Variants in CNTLN observed in about 807,000 individuals in gnomAD.
CNTLN encodes the protein centlein.
In CNTLN, 212 loss-of-function variants were observed where a neutral mutation model predicts 180.0. The ratio of observed to expected loss-of-function variants is 1.18; its 90% CI spans 1.05 to 1.32. The LOEUF (loss-of-function observed/expected upper bound fraction) is 1.32. CNTLN is among the 40% of genes most tolerant of loss of function. The pLI is 0.00. For missense variants in CNTLN, 2,095 were observed against 1,610.9 expected (o/e 1.30, Z -5.14); for synonymous variants, 722 against 563.1 (o/e 1.28, Z -3.99).
At chr9:17,433,699 C>T (rs1829571253) in intron 18 of CNTLN, among the ~76,000 whole-genome samples, 2 of 152,008 alleles carry the variant, frequency 1.3e-5, no homozygotes, top group Non-Finnish European at 2.9e-5. Flanking sequence ...GTGATCATGG[C>T]TCACTGTAAC....
chr9:17,461,139 T>C lies in CNTLN; in HGVS notation c.3307-1777T>C, dbSNP rs1010015029. Among the ~76,000 whole-genome samples, 3 of 151,434 alleles carry C rather than the reference T, an allele frequency of 2.0e-5. No homozygotes were observed. The Admixed American group carries it at 2.0e-4, about 10-fold the overall frequency. On this transcript the variant is annotated intron_variant, in intron 19 of 25. Transcript: ENST00000380647. ...TATAGTATAGTGATAATATAATACA[T>C]ATTAGTATATCATATATAATTTATA...
chr9:17,223,278 C>T (rs1824260545), intron 2 of CNTLN, among the ~76,000 whole-genome samples: 1 of 152,000 alleles, frequency 6.6e-6, no homozygotes. Context: ...TAACTGAAGC[C>T]ATGGAAAGTG....
chr9:17,288,001 G>A (rs7029902), intron 6 of CNTLN, among the ~76,000 whole-genome samples: 44,820 of 116,332 alleles, frequency 0.39, 10,847 homozygotes, highest in South Asian at 0.6. Flanking sequence ...TTGTGTCTCT[G>A]TTTCCTTCAG....
chr9:17,325,556 T>C (rs1438450864), intron 8 of CNTLN, among the ~76,000 whole-genome samples: 1 of 147,536 alleles, frequency 6.8e-6, no homozygotes, highest in African/African-American at 2.5e-5. Context: ...CAGATTTTAT[T>C]ACACACACAC....
the CNTLN span, among the ~76,000 whole-genome samples, chr9:17,512,823 T>C: frequency 1.3e-5 from 2 of 152,140 alleles, no homozygotes; most frequent in Non-Finnish European, 2.9e-5. Flanking sequence ...TTTTTTGTTT[T>C]TGTTTTTGTT....
chr9:17,482,562 T>G (rs1832703706), intron 23 of CNTLN, among the ~76,000 whole-genome samples: 1 of 151,926 alleles, frequency 6.6e-6, no homozygotes, highest in African/African-American at 2.4e-5. Context: ...ATTACCACAG[T>G]AAGATATTTT....
Position 17,342,513 on chromosome 9 carries a change from G to T in CNTLN, c.1886+69G>T. On this transcript the variant is annotated intron_variant, in intron 12 of 25. Transcript: ENST00000380647. ...GGAGAAATTTTTTCATGGCTTAAAA[G>T]CTATTAAAGAAACACTTTATAAAAT... 6 of 1,400,440 alleles carry T rather than the reference G, an allele frequency of 4.3e-6. No individual in the cohort carries two copies. The South Asian group carries it at 7.1e-5, about 17-fold the overall frequency. The allele number at this position is 1,400,440 out of a possible 1,614,324, so 86.8% of individuals were successfully genotyped here.
the CNTLN span, among the ~76,000 whole-genome samples, chr9:17,515,663 G>T: frequency 2.6e-5 from 4 of 152,016 alleles, no homozygotes; most frequent in African/African-American, 9.7e-5. Context: ...TCAATGTATC[G>T]GGAAATTCTA....
intron 2 of CNTLN, among the ~76,000 whole-genome samples, chr9:17,190,917 C>T (rs559089112): frequency 6.6e-6 from 1 of 152,132 alleles, no homozygotes; most frequent in African/African-American, 2.4e-5. Context: ...TATTATAATT[C>T]ATAGTCATTT....
intron 22 of CNTLN, 94 bp downstream of exon 22, chr9:17,466,212 C>G (rs1831738582): frequency 4.6e-6 from 5 of 1,087,368 alleles, no homozygotes; most frequent in Non-Finnish European, 6.8e-6. Flanking sequence ...CCCAAAACCA[C>G]AAGCTACTTA....
rs1222075483 is a variant in CNTLN at position 17,394,574 on chromosome 9, G to T, written c.2120G>T (p.Arg707Met). ...AATCGGCTGAAATCTTTTGAGAAAAGGTCGAGAAAATTAAAAGAAGGGAAT... is the reference window on the plus strand; with the variant it reads ...AATCGGCTGAAATCTTTTGAGAAAATGTCGAGAAAATTAAAAGAAGGGAAT... ...LENRLKSFEK[R>M]SRKLKEGNKK... Residue 707 changes from arginine (R) to methionine (M), a missense_variant, in exon 15 of 26, where the codon AGG becomes ATG. Coordinates refer to ENST00000380647, the MANE Select transcript of CNTLN (RefSeq NM_017738.4). The T allele has an allele frequency of 3.1e-6, 5 of 1,590,362 alleles. No individual in the cohort carries two copies. Among genetic ancestry groups the T allele is most frequent in the East Asian group, 4.5e-5 (2 of 44,732 alleles).
intron 13 of CNTLN, among the ~76,000 whole-genome samples, chr9:17,374,084 G>A (rs1025622201): frequency 6.6e-6 from 1 of 152,136 alleles, no homozygotes; most frequent in Non-Finnish European, 1.5e-5. Context: ...TATCCTACAA[G>A]CACAGGCAAC....
At chr9:17,152,909 T>TA (rs1358782815) in intron 2 of CNTLN, among the ~76,000 whole-genome samples, 1 of 152,232 alleles carries the variant, frequency 6.6e-6, no homozygotes, top group African/African-American at 2.4e-5. Context: ...TACCATCATG[T>TA]AATACCCTTC....
At chr9:17,249,630 C>T (rs491992) in intron 5 of CNTLN, among the ~76,000 whole-genome samples, 4 of 151,846 alleles carry the variant, frequency 2.6e-5, no homozygotes, top group East Asian at 1.9e-4. Flanking sequence ...ATTACAGGCA[C>T]GAGCTGCTGC....
At chr9:17,219,600 G>A (rs994925547) in intron 2 of CNTLN, among the ~76,000 whole-genome samples, 1 of 151,536 alleles carries the variant, frequency 6.6e-6, no homozygotes, top group Non-Finnish European at 1.5e-5. Flanking sequence ...ATTTTATATG[G>A]CACTTATGAC....
intron 6 of CNTLN, among the ~76,000 whole-genome samples, chr9:17,278,341 G>T (rs556041681): frequency 6.6e-6 from 1 of 152,190 alleles, no homozygotes; most frequent in Admixed American, 6.5e-5. Context: ...ATGAACTTTA[G>T]AGTAAACTTG....
At chr9:17,515,800 G>A in the CNTLN span, among the ~76,000 whole-genome samples, 2 of 152,252 alleles carry the variant, frequency 1.3e-5, no homozygotes, top group South Asian at 2.1e-4. Context: ...TTCAGCTGTT[G>A]CTCTATAATA....
At chr9:17,161,350 A>G (rs1272063641) in intron 2 of CNTLN, among the ~76,000 whole-genome samples, 7 of 152,196 alleles carry the variant, frequency 4.6e-5, no homozygotes, top group African/African-American at 1.7e-4. Context: ...CTACAAATCT[A>G]ATTTCCTTGC....
At chr9:17,478,586 C>T (rs937113714) in intron 23 of CNTLN, among the ~76,000 whole-genome samples, 10 of 151,732 alleles carry the variant, frequency 6.6e-5, no homozygotes, top group Admixed American at 2.0e-4. Flanking sequence ...CTCCCGACTC[C>T]TGGACTCAAG....
Sources: gnomAD v4.1 joint callset for allele counts (sites outside exome capture counted in the v4.1 genomes callset) on GRCh38, gnomAD v4.1.1 for gene constraint, MANE v1.5 for transcripts, NCBI Gene and HGNC (gene_info 2026-07-23, HGNC 2026-07-21) for gene names.